SLCO1B1: variants seen among roughly 807,000 people sequenced by gnomAD.
The protein encoded by SLCO1B1 is OATP-2.
SLCO1B1 carries 81 observed loss-of-function variants against 70.1 expected under a neutral mutation model. The observed-to-expected ratio is 1.16, with a 90% confidence interval of 0.97 to 1.39. The LOEUF (loss-of-function observed/expected upper bound fraction) is 1.39. Among genes scored for constraint, SLCO1B1 ranks in the 40% most tolerant of loss-of-function variants. The pLI is 0.00. For synonymous variants in SLCO1B1, 283 were observed against 271.5 expected, an observed-to-expected ratio of 1.04 and a Z score of -0.42; for missense variants, 895 against 799.6, an observed-to-expected ratio of 1.12 and a Z score of -1.44.
chr12:21,161,262 A>G (rs11045805), intron 2 of SLCO1B1, among the ~76,000 whole-genome samples: 19,687 of 152,262 alleles, frequency 0.13, 1,770 homozygotes, highest in Middle Eastern at 0.23. Flanking sequence ...CATGGAATTA[A>G]CCTATATGCC....
chr12:21,135,657 C>A (rs1340608992), intron 1 of SLCO1B1, among the ~76,000 whole-genome samples: 2 of 151,962 alleles, frequency 1.3e-5, no homozygotes, highest in South Asian at 2.1e-4. Context: ...GGATTGCAAC[C>A]CCTGCCTTTT....
rs929929393 is a variant in SLCO1B1, at chr12:21,178,639, G to A, written c.545G>A (p.Gly182Glu). The stretch of plus-strand genomic sequence containing the variant: ...GTGTTCATGGGTAATATGCTTCGTG[G>A]AATAGGGGAGACTCCCATAGTACCA... The part of the protein sequence containing the change: ...IYVFMGNMLR[G>E]IGETPIVPLG... The change falls in exon 6 of 15, where the codon GGA becomes GAA. Residue 182 changes from glycine (G) to glutamate (E), a missense_variant. Coordinates refer to ENST00000256958, the MANE Select transcript of SLCO1B1 (RefSeq NM_006446.5). 2.5e-6 allele frequency: 4 copies of A among 1,607,370 alleles called. No homozygotes were observed. The highest frequency in any genetic ancestry group is 1.7e-5 in the Admixed American group (1 of 59,984).
chr12:21,215,737 G>T (rs1941349761), intron 11 of SLCO1B1, among the ~76,000 whole-genome samples: 1 of 152,058 alleles, frequency 6.6e-6, no homozygotes, highest in African/African-American at 2.4e-5. Flanking sequence ...AATCAGTTAA[G>T]AAAGAGTCCT....
At chr12:21,226,707 T>C (rs986547546) in intron 14 of SLCO1B1, among the ~76,000 whole-genome samples, 39 of 152,204 alleles carry the variant, frequency 2.6e-4, no homozygotes, top group South Asian at 2.1e-3. Context: ...CAAACTCTAA[T>C]CTAAAATATG....
intron 14 of SLCO1B1, among the ~76,000 whole-genome samples, chr12:21,237,831 C>G (rs937313483): frequency 1.3e-5 from 2 of 151,998 alleles, no homozygotes; most frequent in Non-Finnish European, 2.9e-5. Flanking sequence ...TCTCCTGCCT[C>G]AGCCTCCTGA....
At chr12:21,192,266 G>T (rs1478601579) in intron 7 of SLCO1B1, among the ~76,000 whole-genome samples, 3 of 151,750 alleles carry the variant, frequency 2.0e-5, no homozygotes, top group Admixed American at 6.6e-5. Context: ...AGAAGTATTT[G>T]ATTATTAATT....
chr12:21,151,621 G>T (rs1485409785), intron 2 of SLCO1B1, among the ~76,000 whole-genome samples: 1 of 152,030 alleles, frequency 6.6e-6, no homozygotes, highest in African/African-American at 2.4e-5. Flanking sequence ...GCTTTAAGTA[G>T]ATCTGAGTTT....
intron 4 of SLCO1B1, among the ~76,000 whole-genome samples, chr12:21,176,293 T>C (rs928212499): frequency 2.0e-5 from 3 of 152,134 alleles, no homozygotes; most frequent in African/African-American, 4.8e-5. Flanking sequence ...ATCTCTGTTA[T>C]TCCTATCAAG....
chr12:21,150,222 A>G (rs933845218), intron 2 of SLCO1B1, among the ~76,000 whole-genome samples: 3 of 150,500 alleles, frequency 2.0e-5, no homozygotes, highest in African/African-American at 7.5e-5. Context: ...AATTCCCTCT[A>G]TCTGGGACAG....
At chr12:21,164,777 G>C (rs1218580063) in intron 2 of SLCO1B1, 1 of 467,574 alleles carries the variant, frequency 2.1e-6, no homozygotes, top group African/African-American at 2.0e-5. Context: ...TGAAGACTTA[G>C]CCCCAATGTC....
chr12:21,183,374 T>A (rs976076483), intron 7 of SLCO1B1, among the ~76,000 whole-genome samples: 24 of 152,094 alleles, frequency 1.6e-4, no homozygotes, highest in African/African-American at 5.6e-4. Context: ...ATGTGTTATT[T>A]TCTGTAAAGA....
chr12:21,138,726 T>C lies in SLCO1B1; in HGVS notation c.-61-2788T>C, dbSNP rs151194390. Among the ~76,000 whole-genome samples the C allele has an allele frequency of 2.0e-5, 3 of 151,580 alleles. No homozygotes were observed. In the East Asian group the frequency reaches 5.8e-4, roughly 30 times the overall value. On this transcript the variant is annotated intron_variant, in intron 1 of 14. Coordinates refer to ENST00000256958, the MANE Select transcript of SLCO1B1 (RefSeq NM_006446.5). ...GGAGATATTATCAACAGGTGGTAAG[T>C]ATAAAAATATTGAAGAGGTACAATT...
chr12:21,207,983 T>C lies in SLCO1B1; in HGVS notation c.1497+1950T>C, dbSNP rs370248453. ...TTCATGTCCTTTGTCTACTTTTTAA[T>C]ATTGTTTTTGTTTTTTGCTTGTTGA... On this transcript the variant is annotated intron_variant, in intron 11 of 14. Transcript: ENST00000256958. Among the ~76,000 whole-genome samples the C allele has an allele frequency of 2.1e-4, 32 of 152,176 alleles. 1 individual carries two copies. The highest frequency in any genetic ancestry group is 7.7e-4 in the African/African-American group (32 of 41,560).
intron 2 of SLCO1B1, among the ~76,000 whole-genome samples, chr12:21,169,741 T>C (rs1940734471): frequency 2.3e-5 from 2 of 87,266 alleles, no homozygotes; most frequent in African/African-American, 8.0e-5. Flanking sequence ...TTTCTGGAGA[T>C]GTAATTTTTT....
chr12:21,211,878 G>C (rs2121168037), intron 11 of SLCO1B1, among the ~76,000 whole-genome samples: 1 of 151,528 alleles, frequency 6.6e-6, no homozygotes, highest in African/African-American at 2.4e-5. Context: ...TCTGATGGTA[G>C]TTTGTATTTC....
intron 11 of SLCO1B1, among the ~76,000 whole-genome samples, chr12:21,216,716 C>G (rs1385030259): frequency 6.6e-6 from 1 of 152,072 alleles, no homozygotes; most frequent in Non-Finnish European, 1.5e-5. Context: ...TATCTGAATT[C>G]TTTGGATAAT....
chr12:21,193,095 GA>G, intron 7 of SLCO1B1, among the ~76,000 whole-genome samples: 1 of 151,988 alleles, frequency 6.6e-6, no homozygotes, highest in East Asian at 1.9e-4. Flanking sequence ...AATTTATCAA[GA>G]CCTGTTGCAT....
chr12:21,215,571 CA>C (rs1291961463), intron 11 of SLCO1B1, among the ~76,000 whole-genome samples: 1 of 152,106 alleles, frequency 6.6e-6, no homozygotes, highest in East Asian at 1.9e-4. Context: ...CTGCTGGATT[CA>C]GTTTGCTAGT....
At chr12:21,173,823 A>C (rs1940786128) in intron 3 of SLCO1B1, among the ~76,000 whole-genome samples, 1 of 132,118 alleles carries the variant, frequency 7.6e-6, no homozygotes. Context: ...CCCAGGCTGT[A>C]GTGCAGTGGT....
Sources: gnomAD v4.1 joint callset for allele counts (sites outside exome capture counted in the v4.1 genomes callset) on GRCh38, gnomAD v4.1.1 for gene constraint, MANE v1.5 for transcripts, NCBI Gene and HGNC (gene_info 2026-07-23, HGNC 2026-07-21) for gene names.